EXOC4: variants seen among roughly 807,000 people sequenced by gnomAD.
EXOC4 encodes exocyst complex component 4.
EXOC4 carries 71 observed loss-of-function variants against 107.2 expected under a neutral mutation model. That is an observed-to-expected ratio of 0.66 (90% CI 0.55 to 0.81). The LOEUF (loss-of-function observed/expected upper bound fraction) is 0.81. Ranked by LOEUF, EXOC4 falls within the 30% of genes least tolerant of loss-of-function variation. The pLI is 0.00. For missense variants in EXOC4, 1,108 were observed against 1,189.6 expected (o/e 0.93, Z 1.01); for synonymous variants, 456 against 441.2 (o/e 1.03, Z -0.42).
At chr7:133,683,110 T>C (rs898222822) in intron 10 of EXOC4, among the ~76,000 whole-genome samples, 3 of 152,194 alleles carry the variant, frequency 2.0e-5, no homozygotes, top group African/African-American at 7.2e-5. Flanking sequence ...CCTCCTGGTC[T>C]TTTACCCCTC....
chr7:134,076,283 C>T, the EXOC4 span, among the ~76,000 whole-genome samples: 4 of 151,962 alleles, frequency 2.6e-5, no homozygotes, highest in Admixed American at 6.6e-5. Flanking sequence ...TTTGGGAGGC[C>T]GAGGCAGGTG....
At chr7:133,709,908 T>C (rs1794849386) in intron 10 of EXOC4, among the ~76,000 whole-genome samples, 1 of 152,192 alleles carries the variant, frequency 6.6e-6, no homozygotes, top group African/African-American at 2.4e-5. Context: ...TAGACTGCTA[T>C]TACTGTGATT....
Position 133,776,645 on chromosome 7 carries a change from C to A in EXOC4, c.1515-40680C>A, listed in dbSNP as rs184756587. On this transcript the variant is annotated intron_variant, in intron 10 of 17. Transcript: ENST00000253861. Reference sequence around the variant, plus strand: ...AATTCAATTCATGTTTGATTTGTACCCTCTTAAATCATCAACATATTATTT... The same window carrying A: ...AATTCAATTCATGTTTGATTTGTACACTCTTAAATCATCAACATATTATTT... Among the ~76,000 whole-genome samples, 271 of 151,952 alleles carry A rather than the reference C, an allele frequency of 1.8e-3. 1 individual carries two copies. The highest frequency in any genetic ancestry group is 6.8e-3 in the Middle Eastern group (2 of 294).
intron 10 of EXOC4, among the ~76,000 whole-genome samples, chr7:133,798,686 G>A (rs529456864): frequency 6.6e-6 from 1 of 152,124 alleles, no homozygotes; most frequent in Non-Finnish European, 1.5e-5. Context: ...AGGCCTGTCT[G>A]ACCTCAGACC....
chr7:133,561,364 C>A (rs1464788837), intron 9 of EXOC4, among the ~76,000 whole-genome samples: 1 of 152,190 alleles, frequency 6.6e-6, no homozygotes, highest in Non-Finnish European at 1.5e-5. Flanking sequence ...TCCACGTCTT[C>A]TCAAACCAGT....
chr7:133,973,872 T>C (rs537022069), intron 14 of EXOC4, among the ~76,000 whole-genome samples: 7 of 152,124 alleles, frequency 4.6e-5, no homozygotes, highest in African/African-American at 9.7e-5. Context: ...AAGTCCCAAA[T>C]TGAGGGGCCT....
At chr7:133,652,006 C>T (rs770855427) in intron 10 of EXOC4, among the ~76,000 whole-genome samples, 4 of 152,140 alleles carry the variant, frequency 2.6e-5, no homozygotes, top group South Asian at 2.1e-4. Flanking sequence ...AAGGCAGGTG[C>T]GACTTGATAG....
chr7:133,591,225 T>A (rs1384499982), intron 9 of EXOC4, among the ~76,000 whole-genome samples: 1 of 152,152 alleles, frequency 6.6e-6, no homozygotes, highest in African/African-American at 2.4e-5. Context: ...GGAGATGGAA[T>A]CTCACTATTT....
intron 10 of EXOC4, among the ~76,000 whole-genome samples, chr7:133,697,785 C>T (rs1284175787): frequency 6.6e-6 from 1 of 152,166 alleles, no homozygotes; most frequent in East Asian, 1.9e-4. Flanking sequence ...GCTAACCCGA[C>T]TTGATAGGAC....
chr7:133,817,268 T>C (rs1797394213), intron 10 of EXOC4, 57 bp from the exon 11 acceptor site: 2 of 1,256,528 alleles, frequency 1.6e-6, no homozygotes, highest in Admixed American at 3.8e-5. Context: ...CCTCATGTCG[T>C]ATTTATATAA....
chr7:133,939,744 A>G (rs1389465504), intron 14 of EXOC4, among the ~76,000 whole-genome samples: 2 of 152,204 alleles, frequency 1.3e-5, no homozygotes, highest in East Asian at 1.9e-4. Context: ...GTGTCTACCA[A>G]TTAAGGATAG....
At chr7:133,735,964 C>CCT (rs1269910648) in intron 10 of EXOC4, among the ~76,000 whole-genome samples, 1 of 151,990 alleles carries the variant, frequency 6.6e-6, no homozygotes, top group African/African-American at 2.4e-5. Context: ...GTGGTGCATG[C>CCT]CTATAGTCTC....
At chr7:133,910,969 A>G (rs1439856671) in intron 12 of EXOC4, among the ~76,000 whole-genome samples, 9 of 152,204 alleles carry the variant, frequency 5.9e-5, no homozygotes, top group African/African-American at 2.2e-4. Flanking sequence ...CAACTGTTCC[A>G]GAGAGGAAGC....
chr7:133,678,762 C>T (rs1424252965), intron 10 of EXOC4, among the ~76,000 whole-genome samples: 1 of 152,048 alleles, frequency 6.6e-6, no homozygotes, highest in Non-Finnish European at 1.5e-5. Flanking sequence ...AGGCGCATGC[C>T]TCCACACCTG....
chr7:133,508,661 A>T (rs910380622), intron 9 of EXOC4, among the ~76,000 whole-genome samples: 2 of 152,204 alleles, frequency 1.3e-5, no homozygotes, highest in Admixed American at 1.3e-4. Flanking sequence ...ACCTGTAGCT[A>T]CAGTCACAAG....
chr7:134,028,994 G>A (rs1228850143), intron 17 of EXOC4, among the ~76,000 whole-genome samples: 3 of 152,228 alleles, frequency 2.0e-5, no homozygotes, highest in Non-Finnish European at 4.4e-5. Context: ...GGGTCTTTCT[G>A]AGGAGTCAGG....
chr7:133,332,513 G>A (rs1405753319), intron 5 of EXOC4, among the ~76,000 whole-genome samples: 2 of 152,200 alleles, frequency 1.3e-5, no homozygotes, highest in Non-Finnish European at 2.9e-5. Flanking sequence ...TACTCAGGAG[G>A]CTGAGGCAGG....
intron 5 of EXOC4, among the ~76,000 whole-genome samples, chr7:133,345,232 T>G (rs939226664): frequency 6.6e-6 from 1 of 152,198 alleles, no homozygotes; most frequent in Admixed American, 6.5e-5. Context: ...ATTTCATGAA[T>G]GAAGAAATCA....
chr7:133,593,552 G>A (rs1359145283), intron 9 of EXOC4, among the ~76,000 whole-genome samples: 1 of 152,194 alleles, frequency 6.6e-6, no homozygotes, highest in Admixed American at 6.5e-5. Flanking sequence ...ATGAAGTTCA[G>A]TTGTCAGATC....
Sources: gnomAD v4.1 joint callset for allele counts (sites outside exome capture counted in the v4.1 genomes callset) on GRCh38, gnomAD v4.1.1 for gene constraint, MANE v1.5 for transcripts, NCBI Gene and HGNC (gene_info 2026-07-23, HGNC 2026-07-21) for gene names.